The following PRH1 variants were observed in gnomAD, a reference collection of about 807,000 sequenced individuals.
PRH1 encodes the protein salivary acidic proline-rich phosphoprotein 1/2.
PRH1 carries 7 observed loss-of-function variants against 7.9 expected under a neutral mutation model. That is an observed-to-expected ratio of 0.89 (90% confidence interval 0.50 to 1.67). The LOEUF is 1.67. PRH1 is among the 40% of genes most tolerant of loss of function. The pLI, the probability that PRH1 is intolerant of heterozygous loss-of-function variation, is 0.00. For synonymous variants in PRH1, 45 were observed against 80.8 expected, an observed-to-expected ratio of 0.56 and a Z score of 2.38; for missense variants, 109 against 223.6, an observed-to-expected ratio of 0.49 and a Z score of 3.27.
intron 2 of PRH1, among the ~76,000 whole-genome samples, chr12:10,928,186 A>G (rs146156790): frequency 0.02 from 3,005 of 152,338 alleles, 35 homozygotes; most frequent in South Asian, 0.031. Context: ...AAGAATTAGT[A>G]TTAGAATATC....
chr12:10,951,750 G>C (rs1937680515), intron 2 of PRH1, among the ~76,000 whole-genome samples: 1 of 152,062 alleles, frequency 6.6e-6, no homozygotes, highest in Non-Finnish European at 1.5e-5. Flanking sequence ...CTTAAAAAAT[G>C]TGTTTTCGAT....
At chr12:11,018,703 A>G (rs1941423727) in intron 1 of PRH1, among the ~76,000 whole-genome samples, 12 of 152,250 alleles carry the variant, frequency 7.9e-5, no homozygotes, top group Admixed American at 7.9e-4. Context: ...AAAGTAGGGA[A>G]GGAAATGAGC....
chr12:11,041,642 T>C (rs1340286470), intron 1 of PRH1, among the ~76,000 whole-genome samples: 1 of 152,208 alleles, frequency 6.6e-6, no homozygotes, highest in African/African-American at 2.4e-5. Context: ...ATTAGATACT[T>C]ACGTAACATT....
At chr12:10,973,292 T>C (rs908978441) in intron 2 of PRH1, 1 of 171,092 alleles carries the variant, frequency 5.8e-6, no homozygotes, top group Non-Finnish European at 1.2e-5. Flanking sequence ...TATTTTTGAT[T>C]ACTTAATGGC....
At chr12:11,134,840 A>C (rs1482135833) in intron 1 of PRH1, among the ~76,000 whole-genome samples, 1 of 152,082 alleles carries the variant, frequency 6.6e-6, no homozygotes, top group African/African-American at 2.4e-5. Flanking sequence ...GCAGGCCAAT[A>C]CTCCATAAGA....
At chr12:11,091,143 T>TATATATATATATATATATATATA (rs1565644368) in intron 1 of PRH1, 49 of 61,212 alleles carry the variant, frequency 8.0e-4, no homozygotes, top group Admixed American at 1.4e-3. Context: ...TATATATATA[T>TATATATATATATATATATATATA]TTTCTAGACT....
chr12:11,070,564 T>C (rs1484699645), intron 1 of PRH1, among the ~76,000 whole-genome samples: 1 of 152,186 alleles, frequency 6.6e-6, no homozygotes, highest in African/African-American at 2.4e-5. Context: ...TTCCTTTCTT[T>C]CCTGCTCTCT....
At chr12:11,061,205 C>T (rs530691979) in intron 1 of PRH1, among the ~76,000 whole-genome samples, 2 of 113,586 alleles carry the variant, frequency 1.8e-5, no homozygotes, top group East Asian at 5.1e-4. Context: ...TATATACATA[C>T]GCACTTTTTT....
At chr12:10,930,571 G>C in intron 2 of PRH1, 1 of 1,570,946 alleles carries the variant, frequency 6.4e-7, no homozygotes, top group Non-Finnish European at 8.6e-7. Context: ...GTCAGGGAGA[G>C]AGGGGCCGGC....
At chr12:10,891,828 T>G (rs1949577823) in intron 2 of PRH1, 4 of 152,170 alleles carry the variant, frequency 2.6e-5, no homozygotes, top group Admixed American at 2.6e-4. Context: ...ATCTCAAAAT[T>G]AGGAAACTCC....
intron 2 of PRH1, among the ~76,000 whole-genome samples, chr12:10,970,354 A>G (rs1938748205): frequency 6.6e-6 from 1 of 152,160 alleles, no homozygotes; most frequent in African/African-American, 2.4e-5. Context: ...TCATCCGTAT[A>G]ATTTAATATC....
intron 1 of PRH1, among the ~76,000 whole-genome samples, chr12:11,001,590 G>T (rs1226192843): frequency 1.3e-5 from 2 of 152,056 alleles, no homozygotes; most frequent in Non-Finnish European, 2.9e-5. Context: ...GTGTGCTTGT[G>T]GGAGAACCCA....
intron 1 of PRH1, among the ~76,000 whole-genome samples, chr12:11,128,952 T>A (rs1333250726): frequency 3.9e-5 from 6 of 151,976 alleles, no homozygotes; most frequent in Non-Finnish European, 8.8e-5. Context: ...AGACAGCATC[T>A]CCCTCTGTTA....
intron 1 of PRH1, among the ~76,000 whole-genome samples, chr12:11,006,443 T>C (rs1224245298): frequency 2.0e-5 from 3 of 147,982 alleles, no homozygotes; most frequent in African/African-American, 5.0e-5. Context: ...GGCACAATCA[T>C]ACCTCGCCGT....
chr12:11,056,546 A>T (rs1370814445), intron 1 of PRH1, among the ~76,000 whole-genome samples: 1 of 152,138 alleles, frequency 6.6e-6, no homozygotes, highest in Non-Finnish European at 1.5e-5. Flanking sequence ...AAAGCAGATG[A>T]TTGGCCAGGC....
chr12:11,112,735 C>A (rs527732109), intron 1 of PRH1, among the ~76,000 whole-genome samples: 1 of 152,148 alleles, frequency 6.6e-6, no homozygotes, highest in Non-Finnish European at 1.5e-5. Flanking sequence ...CTTTGAAAAT[C>A]GGCACAAAAC....
intron 2 of PRH1, among the ~76,000 whole-genome samples, chr12:10,910,880 A>T (rs1949889509): frequency 6.6e-6 from 1 of 152,206 alleles, no homozygotes; most frequent in African/African-American, 2.4e-5. Flanking sequence ...TGCAATCTTT[A>T]TTGGGTGATC....
intron 1 of PRH1, among the ~76,000 whole-genome samples, chr12:11,075,269 C>T (rs796172962): frequency 0.46 from 41,801 of 89,930 alleles, 6,604 homozygotes; most frequent in Non-Finnish European, 0.56. Context: ...GAAATGCCAT[C>T]TTTGTGTATA....
At chr12:11,023,271 G>T (rs1941749723) in intron 1 of PRH1, among the ~76,000 whole-genome samples, 1 of 152,090 alleles carries the variant, frequency 6.6e-6, no homozygotes, top group African/African-American at 2.4e-5. Context: ...GGCATGGAAG[G>T]AATTATTTTC....
Sources: gnomAD v4.1 joint callset for allele counts (sites outside exome capture counted in the v4.1 genomes callset) on GRCh38, gnomAD v4.1.1 for gene constraint, MANE v1.5 for transcripts, NCBI Gene and HGNC (gene_info 2026-07-23, HGNC 2026-07-21) for gene names.